Variants in TRIM37 observed in about 807,000 individuals in gnomAD.
TRIM37 encodes the protein tripartite motif containing 37.
In TRIM37, 80 loss-of-function variants were observed where a neutral mutation model predicts 129.8. That is an observed-to-expected ratio of 0.62 (90% CI 0.51 to 0.74). The LOEUF (loss-of-function observed/expected upper bound fraction) is 0.74, where lower values mean the gene tolerates loss of function less well. Among genes scored for constraint, TRIM37 ranks in the 30% least tolerant of loss-of-function variants. The pLI, the probability that TRIM37 is intolerant of heterozygous loss-of-function variation, is 0.00. For synonymous variants in TRIM37, 389 were observed against 387.1 expected (o/e 1.00, Z -0.06); for missense variants, 1,054 against 1,176.5 (o/e 0.90, Z 1.52).
rs777435868 is a variant in TRIM37 at position 59,062,598 on chromosome 17, GAAACTT to G, written c.905_910del (p.Gln302_Ser304delinsPro). On this transcript the variant is annotated inframe_deletion, in exon 11 of 24. Transcript: ENST00000262294. ...AACTTTTAACCTCCAGCAAAGTCCT[GAAACTT>G]GAAGAGGTGGACTGTAAACAGGATC... The G allele has an allele frequency of 1.9e-6, 3 of 1,613,934 alleles. No individual in the cohort carries two copies. The African/African-American group carries it at 4.0e-5, about 22-fold the overall frequency.
intron 22 of TRIM37, among the ~76,000 whole-genome samples, chr17:59,008,553 T>C (rs1204233811): frequency 4.6e-5 from 7 of 152,144 alleles, no homozygotes; most frequent in Non-Finnish European, 7.3e-5. Flanking sequence ...ATTTTATATA[T>C]AAAAATTAGT....
Position 59,001,687 on chromosome 17 carries a change from C to T in TRIM37, c.2723G>A (p.Cys908Tyr). ...EGMSSDSDIECDTENEEQEEH... is the reference protein window; with the variant it reads ...EGMSSDSDIEYDTENEEQEEH... ...TTCCTGCTCCTCATTCTCAGTGTCA[C>T]ATTCAATGTCACTGTCGCTACTCAT... The change falls in exon 23 of 24, where the codon TGT (cysteine) becomes TAT (tyrosine). Residue 908 changes from cysteine (C) to tyrosine (Y), a missense_variant. Physicochemically the swap from Cys to Tyr is radical, Grantham distance 194. Around this residue, in one of 3 missense-constraint regions of TRIM37, gnomAD observed 287 missense variants for 274.3 expected, o/e 1.05. Coordinates refer to ENST00000262294, the MANE Select transcript of TRIM37 (RefSeq NM_015294.6). The T allele has an allele frequency of 1.2e-6, 2 of 1,613,982 alleles. No individual in the cohort carries two copies. Among genetic ancestry groups the T allele is most frequent in the Non-Finnish European group, 1.7e-6 (2 of 1,179,942 alleles).
At chr17:58,974,069 A>G in the TRIM37 span, among the ~76,000 whole-genome samples, 1 of 151,750 alleles carries the variant, frequency 6.6e-6, no homozygotes, top group Non-Finnish European at 1.5e-5. Context: ...TTGAGGCTGC[A>G]GTGAGCCAAG....
At chr17:58,971,825 C>T in the TRIM37 span, among the ~76,000 whole-genome samples, 12 of 152,204 alleles carry the variant, frequency 7.9e-5, no homozygotes, top group Admixed American at 2.0e-4. Context: ...GTCTTATATA[C>T]TAATAGTTAC....
chr17:59,033,661 G>A (rs1382519159), intron 17 of TRIM37, among the ~76,000 whole-genome samples: 3 of 152,122 alleles, frequency 2.0e-5, no homozygotes, highest in Non-Finnish European at 2.9e-5. Flanking sequence ...TGATCCGCCC[G>A]CCTCAGCCTC....
intron 2 of TRIM37, among the ~76,000 whole-genome samples, chr17:59,100,936 C>T (rs1441047128): frequency 6.6e-6 from 1 of 151,238 alleles, no homozygotes; most frequent in African/African-American, 2.4e-5. Context: ...GCAGGAGAAT[C>T]ACTCGAACCC....
intron 24 of TRIM37, among the ~76,000 whole-genome samples, chr17:58,990,446 G>A (rs1012702323): frequency 3.3e-5 from 5 of 150,484 alleles, no homozygotes; most frequent in Non-Finnish European, 7.4e-5. Flanking sequence ...AGCTGAGATC[G>A]AGCCACTGCA....
At chr17:58,980,237 A>T, downstream of TRIM37, 2 of 1,614,176 alleles carry the variant, frequency 1.2e-6, no homozygotes, top group Non-Finnish European at 1.7e-6. This position sits in a 1 kb window ranked among gnomAD's most constrained non-coding sequence, Gnocchi z 4.7. Flanking sequence ...GAGGGACATG[A>T]ACAAAGCTGT....
Position 59,015,799 on chromosome 17 carries a change from C to T in TRIM37, c.2387G>A (p.Gly796Asp), listed in dbSNP as rs566626073. Residue 796 changes from glycine (G) to aspartate (D), a missense_variant and splice_region_variant, in exon 21 of 24, where the codon GGC becomes GAC. Coordinates refer to ENST00000262294, the MANE Select transcript of TRIM37 (RefSeq NM_015294.6). Reference protein sequence around the residue: ...SKGDCQTLSEGSPGSSQSGSR... With the variant: ...SKGDCQTLSEDSPGSSQSGSR... ...CCCAGACTGAGAGCTTCCTGGGGAG[C>T]CTTCAAAAAAAGGAAGATGGAATAC... 1.2e-6 allele frequency: 2 copies of T among 1,612,292 alleles called. No individual in the cohort carries two copies. Among genetic ancestry groups the T allele is most frequent in the Non-Finnish European group, 1.7e-6 (2 of 1,179,790 alleles).
chr17:59,103,036 C>T (rs901613878), intron 2 of TRIM37, among the ~76,000 whole-genome samples: 5 of 151,932 alleles, frequency 3.3e-5, no homozygotes, highest in African/African-American at 4.8e-5. Context: ...CCATGCCTGG[C>T]TAATTTTTGT....
In TRIM37 at chr17:58,999,031, G is replaced by A; in HGVS notation, c.*346C>T. On this transcript the variant is annotated 3_prime_UTR_variant, in exon 24 of 24. Transcript: ENST00000262294. The stretch of plus-strand genomic sequence containing the variant: ...GAGCACCAATGCCGGGCGGGTTACT[G>A]ACGGCATGCAGGGCCTGGAGGTACA... The A allele has an allele frequency of 8.8e-7, 1 of 1,130,384 alleles. No homozygotes were observed. Among genetic ancestry groups the A allele is most frequent in the Middle Eastern group, 4.1e-4 (1 of 2,450 alleles). The allele number at this position is 1,130,384 out of a possible 1,614,324, so 70.0% of individuals were successfully genotyped here. A position where few individuals can be genotyped will look rare whatever the true frequency, so the allele number is the denominator to read the frequency against.
chr17:59,022,952 TTGTACTG>T (rs1353052962), intron 19 of TRIM37, among the ~76,000 whole-genome samples: 1 of 152,202 alleles, frequency 6.6e-6, no homozygotes, highest in African/African-American at 2.4e-5. Flanking sequence ...CACAGGCTTG[TTGTACTG>T]TACAGGTCCA....
At chr17:59,089,925 T>C (rs1192200722) in intron 3 of TRIM37, 2 of 151,848 alleles carry the variant, frequency 1.3e-5, no homozygotes, top group Admixed American at 6.6e-5. Context: ...CACAGTGACA[T>C]CTCATCTCTA....
chr17:59,025,440 T>C (rs2037139600), intron 19 of TRIM37, among the ~76,000 whole-genome samples: 1 of 151,702 alleles, frequency 6.6e-6, no homozygotes, highest in Middle Eastern at 3.5e-3. Context: ...ATTATTAATA[T>C]TCATGGATGA....
At chr17:59,091,255 C>G in intron 3 of TRIM37, 45 bp downstream of exon 3, 1 of 1,512,200 alleles carries the variant, frequency 6.6e-7, no homozygotes, top group South Asian at 1.1e-5. Flanking sequence ...ACATTCTGAT[C>G]TTACTATTTT....
At chr17:59,075,497 G>C (rs1469631181) in intron 8 of TRIM37, 150 bp downstream of exon 8, 2 of 578,790 alleles carry the variant, frequency 3.5e-6, no homozygotes, top group African/African-American at 3.9e-5. Flanking sequence ...CCAGGAGGCG[G>C]AGTTTACAGT....
chr17:58,979,919 T>C, downstream of TRIM37: 2 of 1,420,698 alleles, frequency 1.4e-6, no homozygotes, highest in South Asian at 1.3e-5. Context: ...TAAACGTTCT[T>C]AGCATGCAAG....
At position 59,092,522 on chromosome 17, in the gene TRIM37, A is replaced by G. The variant is rs144282554; in HGVS notation, c.124-1182T>C. Among the ~76,000 whole-genome samples the G allele has an allele frequency of 8.3e-3, 1,266 of 152,184 alleles. 12 individuals carry two copies. The highest frequency in any genetic ancestry group is 0.013 in the Non-Finnish European group (883 of 68,008). ...TAATGTCTCTACTAAACCAAAAATT[A>G]TATTAATAATTTATTAGGAAACTGA... On this transcript the variant is annotated intron_variant, in intron 2 of 23. Transcript: ENST00000262294.
intron 13 of TRIM37, among the ~76,000 whole-genome samples, chr17:59,055,864 A>C (rs2146321507): frequency 6.6e-6 from 1 of 152,122 alleles, no homozygotes; most frequent in East Asian, 1.9e-4. Flanking sequence ...TCCGTACACC[A>C]AATCACCATG....
Sources: gnomAD v4.1 joint callset for allele counts (sites outside exome capture counted in the v4.1 genomes callset) on GRCh38, gnomAD v4.1.1 for gene constraint, gnomAD v4.1.1 regional missense constraint, Gnocchi (gnomAD v3.1) non-coding constraint, MANE v1.5 for transcripts, NCBI Gene and HGNC (gene_info 2026-07-23, HGNC 2026-07-21) for gene names.